Variants in MAN2B1 observed in about 807,000 individuals in gnomAD.
MAN2B1 encodes lysosomal alpha-mannosidase.
Under a neutral mutation model 127.5 loss-of-function variants are expected in MAN2B1, and 99 were observed. That is an observed-to-expected ratio of 0.78 (90% CI 0.66 to 0.92). The LOEUF (loss-of-function observed/expected upper bound fraction) is 0.92, where lower values mean the gene tolerates loss of function less well. Among genes scored for constraint, MAN2B1 ranks in the 40% least tolerant of loss-of-function variants. The pLI, the probability that MAN2B1 is intolerant of heterozygous loss-of-function variation, is 0.00. For missense variants in MAN2B1, 1,304 were observed against 1,384.8 expected, an observed-to-expected ratio of 0.94 and a Z score of 0.93; for synonymous variants, 573 against 568.8, an observed-to-expected ratio of 1.01 and a Z score of -0.11.
At chr19:12,657,696 C>A (rs2024002291) in intron 10 of MAN2B1, 141 bp from the exon 11 acceptor site, 1 of 761,402 alleles carries the variant, frequency 1.3e-6, no homozygotes, top group Non-Finnish European at 2.3e-6. Flanking sequence ...CGGTGGCTCA[C>A]GCCTGTAATC....
chr19:12,665,265 C>A (rs1175550719), intron 3 of MAN2B1, 87 bp downstream of exon 3: 7 of 1,513,148 alleles, frequency 4.6e-6, no homozygotes, highest in African/African-American at 1.4e-5. Context: ...ACAGCTTGCA[C>A]GTGGCATGAC....
chr19:12,659,589 G>A (rs1012983859), intron 7 of MAN2B1, among the ~76,000 whole-genome samples: 4 of 151,962 alleles, frequency 2.6e-5, no homozygotes, highest in Non-Finnish European at 5.9e-5. Flanking sequence ...AGGCCAAGGC[G>A]GACGGATCAC....
intron 9 of MAN2B1, 37 bp downstream of exon 9, chr19:12,658,187 G>T (rs781234099): frequency 1.9e-6 from 3 of 1,613,738 alleles, no homozygotes; most frequent in South Asian, 2.2e-5. Context: ...GTCGGGCCTC[G>T]GGGCTGCATG....
At position 12,656,595 on chromosome 19, in the gene MAN2B1, G is replaced by T; in HGVS notation, c.1620C>A (p.Pro540=). ...CATCGCTGGGCACTGTCCTGCCATT[G>T]GGGTCCTTCACAACGAAAACGCCTT... The part of the protein sequence containing the change: ...VSEGVFVVKD[P]NGRTVPSDVV... Residue 540 remains proline, a synonymous_variant, in exon 13 of 24, where the codon CCC becomes CCA. Transcript: ENST00000456935. The T allele has an allele frequency of 6.2e-7, 1 of 1,613,650 alleles. No homozygotes were observed.
chr19:12,652,509 GTTTTCTTTTTTTAAT>G, intron 14 of MAN2B1, 49 bp from the exon 15 acceptor site: 1 of 1,217,278 alleles, frequency 8.2e-7, no homozygotes, highest in Non-Finnish European at 1.2e-6. Flanking sequence ...ATGTGTGTGT[GTTTTCTTTTTTTAAT>G]TTTTCTTTTT....
chr19:12,663,768 A>G lies in MAN2B1; in HGVS notation c.698T>C (p.Leu233Pro). The G allele has an allele frequency of 1.9e-6, 3 of 1,614,144 alleles. No individual in the cohort carries two copies. Among genetic ancestry groups the G allele is most frequent in the Non-Finnish European group, 2.5e-6 (3 of 1,180,020 alleles). ...YQDKWVRMQK[L>P]EMEQVWRAST... ...GGCCCGCCACACCTGCTCCATCTCC[A>G]GCTTCTGCATCCGTACCCACTTATC... Residue 233 changes from leucine (L) to proline (P), a missense_variant, in exon 5 of 24, where the codon CTG becomes CCG. By Grantham distance (98) the Leu-to-Pro change is moderately conservative. Coordinates refer to ENST00000456935, the MANE Select transcript of MAN2B1 (RefSeq NM_000528.4).
intron 14 of MAN2B1, 110 bp downstream of exon 14, chr19:12,655,584 T>C: frequency 1.8e-6 from 2 of 1,102,236 alleles, no homozygotes; most frequent in South Asian, 1.5e-5. Flanking sequence ...AGGGGAGTTG[T>C]GACAGGAGGT....
intron 11 of MAN2B1, 69 bp downstream of exon 11, chr19:12,657,377 C>T: frequency 2.1e-6 from 3 of 1,399,540 alleles, no homozygotes; most frequent in South Asian, 2.5e-5. Context: ...TCTCTGTCCC[C>T]TTTCCCAGGC....
chr19:12,664,612 C>T (rs943175356), intron 4 of MAN2B1, among the ~76,000 whole-genome samples, 180 bp downstream of exon 4: 2 of 152,164 alleles, frequency 1.3e-5, no homozygotes, highest in African/African-American at 2.4e-5. Flanking sequence ...TGGGCATAGC[C>T]GGCTGAGGCC....
intron 14 of MAN2B1, 150 bp from the exon 15 acceptor site, chr19:12,652,610 CA>C: frequency 1.5e-6 from 1 of 656,966 alleles, no homozygotes; most frequent in South Asian, 1.7e-5. Context: ...TGGCTCACTG[CA>C]CCCCCCACCT....
chr19:12,661,855 T>A lies in MAN2B1; in HGVS notation c.910-479A>T, dbSNP rs964099141. Among the ~76,000 whole-genome samples, 134 of 151,936 alleles carry A rather than the reference T, an allele frequency of 8.8e-4. 1 individual carries two copies. The highest frequency in any genetic ancestry group is 3.1e-3 in the African/African-American group (127 of 41,454). On this transcript the variant is annotated intron_variant, in intron 6 of 23. Coordinates refer to ENST00000456935, the MANE Select transcript of MAN2B1 (RefSeq NM_000528.4). ...AAAAAAAAATTAATCTAAAACAATT[T>A]TTTTTTTGAGACAGAGTTTCACTCT...
In MAN2B1 at chr19:12,648,388, C is replaced by G. The variant is rs1270908453; in HGVS notation, c.2451G>C (p.Leu817=). 1.9e-6 allele frequency: 3 copies of G among 1,612,654 alleles called. No individual in the cohort carries two copies. The South Asian group carries it at 3.3e-5, about 18-fold the overall frequency. The part of the protein sequence containing the change: ...GSLELMVHRR[L]LKDDGRGVSE... ...ATACTCCGCGTCCATCGTCCTTCAG[C>G]AGCCTTCGGTGCACCTGGGGGGAGA... Residue 817 remains leucine (L), a synonymous_variant, in exon 21 of 24, where the codon CTG becomes CTC. Transcript: ENST00000456935.
chr19:12,660,679 T>C (rs138707693), intron 7 of MAN2B1, among the ~76,000 whole-genome samples: 31 of 152,068 alleles, frequency 2.0e-4, no homozygotes, highest in African/African-American at 7.5e-4. Flanking sequence ...GAAATTATAT[T>C]CTCTCCTAGA....
intron 13 of MAN2B1, 54 bp from the exon 14 acceptor site, chr19:12,655,933 A>G (rs1420330151): frequency 6.8e-7 from 1 of 1,471,844 alleles, no homozygotes; most frequent in Non-Finnish European, 9.5e-7. Flanking sequence ...AAAGCTATAC[A>G]TGCATGGAGA....
intron 14 of MAN2B1, among the ~76,000 whole-genome samples, chr19:12,654,027 T>C (rs906811319): frequency 6.6e-6 from 1 of 150,824 alleles, no homozygotes; most frequent in Non-Finnish European, 1.5e-5. Context: ...CCCAGCCTTT[T>C]CTTTTTTTCT....
intron 7 of MAN2B1, chr19:12,659,102 CCG>C (rs1385199732): frequency 6.1e-6 from 1 of 163,688 alleles, no homozygotes; most frequent in Non-Finnish European, 1.3e-5. Context: ...CATGATCCGC[CCG>C]CCTCAGCCTC....
Position 12,658,495 on chromosome 19 carries a change from T to A in MAN2B1, c.1042A>T (p.Ser348Cys). 6.2e-7 allele frequency: 1 copy of A among 1,614,160 alleles called. No individual in the cohort carries two copies. The highest frequency in any genetic ancestry group is 2.2e-5 in the East Asian group (1 of 44,874). ...LVNAQQAKGS[S>C]VHVLYSTPAC... ...GGGGTGGAGTAGAGAACATGGACAC[T>A]GCTTCCTTTTGCCTGCTGCTGGGGG... Residue 348 changes from serine (S) to cysteine (C), a missense_variant, in exon 8 of 24, where the codon AGT becomes TGT. Coordinates refer to ENST00000456935, the MANE Select transcript of MAN2B1 (RefSeq NM_000528.4).
intron 3 of MAN2B1, 164 bp downstream of exon 3, chr19:12,665,188 G>T: frequency 9.4e-7 from 1 of 1,061,410 alleles, no homozygotes; most frequent in East Asian, 2.4e-5. Flanking sequence ...AGCAGGTGGG[G>T]CTTTGTGGGA....
rs1489727547 is a variant in MAN2B1 at position 12,666,475 on chromosome 19, A to G, written c.159+68T>C. On this transcript the variant is annotated intron_variant, in intron 1 of 23. Coordinates refer to ENST00000456935, the MANE Select transcript of MAN2B1 (RefSeq NM_000528.4). ...AGACACCCACAGGACAGACCCACCC[A>G]CACCTCTAGACTGTATTCTGGGTTT... 22 of 1,534,408 alleles carry G rather than the reference A, an allele frequency of 1.4e-5. No homozygotes were observed. In the Admixed American group the frequency reaches 3.9e-4, roughly 27 times the overall value.
Sources: gnomAD v4.1 joint callset for allele counts (sites outside exome capture counted in the v4.1 genomes callset) on GRCh38, gnomAD v4.1.1 for gene constraint, MANE v1.5 for transcripts, NCBI Gene and HGNC (gene_info 2026-07-23, HGNC 2026-07-21) for gene names.